The following RPS7 variants were observed in gnomAD, a reference collection of about 807,000 sequenced individuals.
RPS7 encodes small ribosomal subunit protein eS7.
RPS7 carries 1 observed loss-of-function variant against 22.1 expected under a neutral mutation model. The ratio of observed to expected loss-of-function variants is 0.05; its 90% CI spans 0.02 to 0.21. The LOEUF (loss-of-function observed/expected upper bound fraction) is 0.21. Among genes scored for constraint, RPS7 ranks in the 10% least tolerant of loss-of-function variants. RPS7 has a pLI of 1.00. For missense variants in RPS7, 137 were observed against 246.4 expected (o/e 0.56, Z 2.97); for synonymous variants, 80 against 92.0 (o/e 0.87, Z 0.74).
chr2:3,580,823 G>A lies in RPS7; in HGVS notation c.526G>A (p.Val176Ile), dbSNP rs1309333424. 6.3e-7 allele frequency: 1 copy of A among 1,597,288 alleles called. No individual in the cohort carries two copies. The highest frequency in any genetic ancestry group is 1.1e-5 in the South Asian group (1 of 90,722). The change falls in exon 7 of 7, where the codon GTC becomes ATC. Residue 176 changes from valine (V) to isoleucine (I), a missense_variant. Physicochemically the swap from Val to Ile is conservative, Grantham distance 29 (BLOSUM62 3). Coordinates refer to ENST00000645674, the MANE Select transcript of RPS7 (RefSeq NM_001011.4). ...VEHKVETFSG[V>I]YKKLTGKDVN... ...CTTGTAGGTTGAAACTTTTTCTGGT[G>A]TCTATAAGAAGCTCACGGGCAAGGA...
At chr2:3,578,766 A>G (rs1321701237) in intron 5 of RPS7, 1 of 152,234 alleles carries the variant, frequency 6.6e-6, no homozygotes, top group South Asian at 2.1e-4. Flanking sequence ...TGAGAACCTC[A>G]GTTAGGAAAT....
Position 3,576,293 on chromosome 2 carries a change from C to T in RPS7, c.148-194C>T, listed in dbSNP as rs62106032. 42,996 of 666,300 alleles carry T rather than the reference C, an allele frequency of 0.065. 1,586 individuals are homozygous for T. Among genetic ancestry groups the T allele is most frequent in the South Asian group, 0.09 (5,110 of 56,472 alleles). The allele number at this position is 666,300 out of a possible 1,614,324, so 41.3% of individuals were successfully genotyped here. A position where few individuals can be genotyped will look rare whatever the true frequency, so the allele number is the denominator to read the frequency against. The stretch of plus-strand genomic sequence containing the variant: ...CTCCTGGCCTGAACAGTCTCCCTTC[C>T]TGGAATAAGGAAATGTGAAGGTTGG... On this transcript the variant is annotated intron_variant, in intron 3 of 6. Transcript: ENST00000645674.
intron 2 of RPS7, 31 bp downstream of exon 2, chr2:3,575,715 G>T (rs1661259101): frequency 5.6e-6 from 9 of 1,604,920 alleles, no homozygotes; most frequent in Non-Finnish European, 7.7e-6. Flanking sequence ...TCTGGGGTGG[G>T]GGGAGGCGCC....
chr2:3,577,703 C>T lies in RPS7; in HGVS notation c.292-7C>T. Reference sequence around the variant, plus strand: ...CATTTTGTTACATGATAATTTTTACCTTACAGAGGAGAATTCTGCCTAAGC... The same window carrying T: ...CATTTTGTTACATGATAATTTTTACTTTACAGAGGAGAATTCTGCCTAAGC... On this transcript the variant is annotated splice_region_variant and splice_polypyrimidine_tract_variant and intron_variant, in intron 4 of 6. Transcript: ENST00000645674. The T allele has an allele frequency of 6.2e-7, 1 of 1,604,962 alleles. No individual in the cohort carries two copies. Among genetic ancestry groups the T allele is most frequent in the Non-Finnish European group, 8.5e-7 (1 of 1,172,556 alleles).
At position 3,580,266 on chromosome 2, in the gene RPS7, A is replaced by G. The variant is rs1291283268; in HGVS notation, c.507+6A>G. The G allele has an allele frequency of 6.2e-7, 1 of 1,613,416 alleles. No homozygotes were observed. The highest frequency in any genetic ancestry group is 8.5e-7 in the Non-Finnish European group (1 of 1,179,458). Reference sequence around the variant, plus strand: ...AGAACAATGTGGAACACAAGGTAATAGGTCAACATTTTATCATGGAAAGGT... The same window carrying G: ...AGAACAATGTGGAACACAAGGTAATGGGTCAACATTTTATCATGGAAAGGT... On this transcript the variant is annotated splice_donor_region_variant and intron_variant, in intron 6 of 6. Transcript: ENST00000645674.
At chr2:3,580,721 C>T (rs1661387261) in intron 6 of RPS7, 84 bp from the exon 7 acceptor site, 7 of 860,586 alleles carry the variant, frequency 8.1e-6, no homozygotes, top group Non-Finnish European at 7.9e-6. Flanking sequence ...AAAAACAATA[C>T]AGGGCACAAT....
chr2:3,580,295 G>A (rs777198332), intron 6 of RPS7, 35 bp downstream of exon 6: 36 of 1,602,550 alleles, frequency 2.2e-5, no homozygotes, highest in Admixed American at 8.3e-5. Context: ...GAAAGGTTCA[G>A]CCACAGTGAG....
chr2:3,576,024 G>C, intron 3 of RPS7, 136 bp downstream of exon 3: 1 of 742,756 alleles, frequency 1.3e-6, no homozygotes, highest in Admixed American at 2.0e-5. Context: ...GTTCGGCCGT[G>C]TTGTTTGGGA....
chr2:3,578,901 G>A (rs1344332394), intron 5 of RPS7: 1 of 152,176 alleles, frequency 6.6e-6, no homozygotes, highest in Non-Finnish European at 1.5e-5. Context: ...GACCTAGTCT[G>A]TACATTGAAA....
At chr2:3,576,694 G>A in intron 4 of RPS7, 64 bp downstream of exon 4, 1 of 1,527,468 alleles carries the variant, frequency 6.5e-7, no homozygotes. Flanking sequence ...CTTGTATTTA[G>A]ACTGCATTGG....
intron 4 of RPS7, 57 bp from the exon 5 acceptor site, chr2:3,577,653 T>G: frequency 7.6e-7 from 1 of 1,318,366 alleles, no homozygotes; most frequent in South Asian, 1.2e-5. Context: ...CAGTTACAGC[T>G]TTTTGTCAAT....
At chr2:3,580,013 G>T in intron 5 of RPS7, 97 bp from the exon 6 acceptor site, 1 of 1,116,806 alleles carries the variant, frequency 9.0e-7, no homozygotes, top group Non-Finnish European at 1.4e-6. Flanking sequence ...CAGGAACCTG[G>T]GATTTGCATT....
At chr2:3,576,960 G>A in intron 4 of RPS7, 1 of 346,158 alleles carries the variant, frequency 2.9e-6, no homozygotes. Flanking sequence ...ACAGACTGCT[G>A]TGTTTTGAGT....
rs1558474083 is a variant in RPS7, at chr2:3,580,869, A to G, written c.572A>G (p.Glu191Gly). The change falls in exon 7 of 7, where the codon GAG becomes GGG. Residue 191 changes from glutamate to glycine, a missense_variant. Glu to Gly is a moderately conservative substitution (Grantham distance 98). This residue lies in a region of RPS7 where 74 missense variants were observed against 171.4 expected (regional missense o/e 0.43). Coordinates refer to ENST00000645674, the MANE Select transcript of RPS7 (RefSeq NM_001011.4). ...TGKDVNFEFP[E>G]FQL Reference sequence around the variant, plus strand: ...AAGGATGTTAATTTTGAATTCCCAGAGTTTCAATTGTAAACAAAAATGACT... The same window carrying G: ...AAGGATGTTAATTTTGAATTCCCAGGGTTTCAATTGTAAACAAAAATGACT... The G allele has an allele frequency of 6.4e-7, 1 of 1,550,602 alleles. No homozygotes were observed. The highest frequency in any genetic ancestry group is 8.9e-7 in the Non-Finnish European group (1 of 1,126,146).
chr2:3,580,289 G>T, intron 6 of RPS7, 29 bp downstream of exon 6: 1 of 1,608,760 alleles, frequency 6.2e-7, no homozygotes. Flanking sequence ...ATCATGGAAA[G>T]GTTCAGCCAC....
rs886055985 is a variant in RPS7, at chr2:3,575,346, G to C, written c.-23G>C. On this transcript the variant is annotated 5_prime_UTR_variant, in exon 1 of 7. Transcript: ENST00000645674. ...GGGTCTCTTCCTAAGCCGGCGCTCG[G>C]CAAGGTAGGTTGGCGGCCTGCTCTC... 1.9e-6 allele frequency: 1 copy of C among 536,538 alleles called. No individual in the cohort carries two copies. The highest frequency in any genetic ancestry group is 2.2e-5 in the South Asian group (1 of 46,098). The allele number at this position is 536,538 out of a possible 1,614,324, so 33.2% of individuals were successfully genotyped here.
intron 6 of RPS7, 174 bp downstream of exon 6, chr2:3,580,434 T>G: frequency 1.4e-6 from 1 of 715,404 alleles, no homozygotes; most frequent in East Asian, 2.7e-5. Context: ...TAAATGGAGA[T>G]GTTTCAAGAA....
chr2:3,575,345 G>A lies in RPS7; in HGVS notation c.-24G>A, dbSNP rs914823668. On this transcript the variant is annotated 5_prime_UTR_variant, in exon 1 of 7. Transcript: ENST00000645674. ...TGGGTCTCTTCCTAAGCCGGCGCTC[G>A]GCAAGGTAGGTTGGCGGCCTGCTCT... 3.7e-6 allele frequency: 2 copies of A among 533,810 alleles called. No homozygotes were observed. The highest frequency in any genetic ancestry group is 2.0e-5 in the African/African-American group (1 of 49,668). The allele number at this position is 533,810 out of a possible 1,614,324, so 33.1% of individuals were successfully genotyped here.
Position 3,577,608 on chromosome 2 carries a change from AC to A in RPS7, c.292-99del. ...TTTAGCCTTCTCGAACTTTGAACTT[AC>A]CCTGCCATTCTTCTTGCTTTTAAAG... On this transcript the variant is annotated intron_variant, in intron 4 of 6. Coordinates refer to ENST00000645674, the MANE Select transcript of RPS7 (RefSeq NM_001011.4). The A allele has an allele frequency of 1.1e-5, 9 of 850,164 alleles. 1 individual carries two copies. The South Asian group carries it at 1.1e-4, about 11-fold the overall frequency. The allele number at this position is 850,164 out of a possible 1,614,324, so 52.7% of individuals were successfully genotyped here. A position where few individuals can be genotyped will look rare whatever the true frequency, so the allele number is the denominator to read the frequency against.
Sources: gnomAD v4.1 joint callset for allele counts on GRCh38, gnomAD v4.1.1 for gene constraint, gnomAD v4.1.1 regional missense constraint, MANE v1.5 for transcripts, NCBI Gene and HGNC (gene_info 2026-07-23, HGNC 2026-07-21) for gene names.